Variants in NLGN1 observed in about 807,000 individuals in gnomAD.
The protein encoded by NLGN1 is neuroligin 1.
NLGN1 carries 12 observed loss-of-function variants against 65.5 expected under a neutral mutation model. The ratio of observed to expected loss-of-function variants is 0.18; its 90% CI spans 0.12 to 0.30. The LOEUF (loss-of-function observed/expected upper bound fraction) is 0.30. NLGN1 is among the 10% of genes least tolerant of loss of function. The pLI, the probability that NLGN1 is intolerant of heterozygous loss-of-function variation, is 1.00. For missense variants in NLGN1, 750 were observed against 1,007.1 expected (o/e 0.74, Z 3.46); for synonymous variants, 350 against 359.5 (o/e 0.97, Z 0.30).
At chr3:173,822,303 A>G (rs1560439114) in intron 4 of NLGN1, among the ~76,000 whole-genome samples, 1 of 152,140 alleles carries the variant, frequency 6.6e-6, no homozygotes, top group East Asian at 1.9e-4. Flanking sequence ...GTCAGCATCC[A>G]AGTGGAACTG....
intron 4 of NLGN1, among the ~76,000 whole-genome samples, chr3:173,821,578 A>G (rs1720303919): frequency 6.6e-6 from 1 of 152,154 alleles, no homozygotes; most frequent in African/African-American, 2.4e-5. Context: ...GTAACAAGAA[A>G]TTGGGATTTT....
chr3:173,452,034 C>T (rs567373094), intron 2 of NLGN1, among the ~76,000 whole-genome samples: 154 of 152,306 alleles, frequency 1.0e-3, no homozygotes, highest in African/African-American at 3.6e-3. Context: ...CGCCCTGCTT[C>T]GGCTCACGCA....
chr3:173,598,520 A>G lies in NLGN1; in HGVS notation c.-320-5759A>G, dbSNP rs189101814. On this transcript the variant is annotated intron_variant, in intron 2 of 6. Coordinates refer to ENST00000457714, the Ensembl canonical transcript of NLGN1. ...TAATTTTCTTGTGAATGAATTTGAT[A>G]ATACTTTCCTTCTGCTAGGAACGTG... Among the ~76,000 whole-genome samples, 9 of 152,272 alleles carry G rather than the reference A, an allele frequency of 5.9e-5. 1 individual carries two copies. In the East Asian group the frequency reaches 1.7e-3, roughly 29 times the overall value.
rs969539286 is a variant in NLGN1, at chr3:173,815,021, CTTTCCCTTTCT to C, written c.646+7203_646+7213del. On this transcript the variant is annotated intron_variant, in intron 4 of 6. Coordinates refer to ENST00000457714, the Ensembl canonical transcript of NLGN1. Reference sequence around the variant, plus strand: ...TTTCTCTTCTCTTTTCTTTTCTTTCCTTTCCCTTTCTTTTCCCTTTCTTTCTTTTTCTTTCT... The same window carrying C: ...TTTCTCTTCTCTTTTCTTTTCTTTCCTTTCCCTTTCTTTCTTTTTCTTTCT... Among the ~76,000 whole-genome samples the C allele has an allele frequency of 1.3e-4, 20 of 150,412 alleles. 1 individual carries two copies. In the Middle Eastern group the frequency reaches 0.01, roughly 77 times the overall value.
At chr3:173,702,099 C>T (rs887367966) in intron 3 of NLGN1, among the ~76,000 whole-genome samples, 1 of 150,388 alleles carries the variant, frequency 6.6e-6, no homozygotes, top group Non-Finnish European at 1.5e-5. Context: ...ATTAGCTGGG[C>T]GTAGTGGCGG....
intron 4 of NLGN1, among the ~76,000 whole-genome samples, chr3:174,233,609 T>C (rs1741143429): frequency 6.6e-6 from 1 of 152,110 alleles, no homozygotes; most frequent in African/African-American, 2.4e-5. Flanking sequence ...AAGGTTGACA[T>C]ATTCTTACAC....
intron 4 of NLGN1, among the ~76,000 whole-genome samples, chr3:173,960,616 A>C (rs528570512): frequency 8.5e-5 from 13 of 152,158 alleles, no homozygotes; most frequent in African/African-American, 2.6e-4. Context: ...AAAATTTTGC[A>C]TAAAATTTTA....
intron 4 of NLGN1, among the ~76,000 whole-genome samples, chr3:173,916,626 A>T (rs753845664): frequency 6.6e-6 from 1 of 152,168 alleles, no homozygotes; most frequent in Non-Finnish European, 1.5e-5. Flanking sequence ...TTTATTTATT[A>T]TAATACCTAA....
intron 1 of NLGN1, among the ~76,000 whole-genome samples, chr3:173,428,372 C>A (rs1216133496): frequency 6.6e-6 from 1 of 151,210 alleles, no homozygotes; most frequent in Non-Finnish European, 1.5e-5. Context: ...TTTCTACTGT[C>A]TTTTTTTGGC....
At chr3:173,646,250 A>G (rs938021106) in intron 3 of NLGN1, among the ~76,000 whole-genome samples, 2 of 152,236 alleles carry the variant, frequency 1.3e-5, no homozygotes, top group Admixed American at 1.3e-4. Flanking sequence ...ATATATTTTA[A>G]TAGCTACAGT....
intron 2 of NLGN1, among the ~76,000 whole-genome samples, chr3:173,531,564 T>TACACACACACACACACACACACAC (rs147720926): frequency 2.2e-4 from 33 of 148,258 alleles, no homozygotes; most frequent in African/African-American, 4.7e-4. Flanking sequence ...CTGTGTGAAA[T>TACACACACACACACACACACACAC]ACACACACAC....
chr3:173,668,105 G>A (rs1299368471), intron 3 of NLGN1, among the ~76,000 whole-genome samples: 1 of 152,144 alleles, frequency 6.6e-6, no homozygotes, highest in Non-Finnish European at 1.5e-5. Context: ...GGAAGAAACG[G>A]ACCTGTGAAT....
At chr3:173,766,327 G>C (rs1778790176) in intron 3 of NLGN1, among the ~76,000 whole-genome samples, 1 of 152,074 alleles carries the variant, frequency 6.6e-6, no homozygotes, top group South Asian at 2.1e-4. Context: ...GGCCTCAAGT[G>C]ATCTGCCCAC....
chr3:173,741,779 C>A (rs1774689265), intron 3 of NLGN1, among the ~76,000 whole-genome samples: 2 of 152,120 alleles, frequency 1.3e-5, no homozygotes, highest in South Asian at 4.1e-4. Context: ...AGGCGTGAGC[C>A]ACTGTGCTCA....
At chr3:173,849,164 G>T (rs116067350) in intron 4 of NLGN1, among the ~76,000 whole-genome samples, 1 of 152,062 alleles carries the variant, frequency 6.6e-6, no homozygotes, top group East Asian at 1.9e-4. Flanking sequence ...ATTCTTTTGC[G>T]TAGGGGGTAG....
At chr3:173,438,024 T>G (rs1169119612) in intron 2 of NLGN1, among the ~76,000 whole-genome samples, 2 of 151,888 alleles carry the variant, frequency 1.3e-5, no homozygotes, top group Non-Finnish European at 2.9e-5. Flanking sequence ...TACTTTGGAT[T>G]TTTTTTTAAC....
At chr3:174,018,276 T>C (rs1409397443) in intron 4 of NLGN1, among the ~76,000 whole-genome samples, 1 of 152,130 alleles carries the variant, frequency 6.6e-6, no homozygotes, top group Non-Finnish European at 1.5e-5. Context: ...TTAAACAATT[T>C]GTGCAGTTAA....
intron 3 of NLGN1, among the ~76,000 whole-genome samples, chr3:173,730,484 A>G (rs1422957147): frequency 5.9e-5 from 9 of 152,138 alleles, no homozygotes; most frequent in African/African-American, 2.2e-4. Context: ...GATCATTGTG[A>G]AAATGAGATT....
In NLGN1 at chr3:174,279,316, A is replaced by C. The variant is rs1751167345; in HGVS notation, c.1315A>C (p.Met439Leu). Reference sequence around the variant, plus strand: ...TGTTTTGAGAGAAACCATTAAGTTCATGTATACTGACTGGGCTGACCGTCA... The same window carrying C: ...TGTTTTGAGAGAAACCATTAAGTTCCTGTATACTGACTGGGCTGACCGTCA... The change falls in exon 6 of 7, where the codon ATG becomes CTG. Residue 439 changes from methionine (M) to leucine (L), a missense_variant. Physicochemically the swap from Met to Leu is conservative, Grantham distance 15. Transcript: ENST00000457714. The surrounding 1 kb of genome is among the most constrained non-coding windows in gnomAD (Gnocchi z 4.7). 3 of 1,613,464 alleles carry C rather than the reference A, an allele frequency of 1.9e-6. No individual in the cohort carries two copies. Among genetic ancestry groups the C allele is most frequent in the Non-Finnish European group, 1.7e-6 (2 of 1,179,580 alleles).
Sources: gnomAD v4.1 joint callset for allele counts (sites outside exome capture counted in the v4.1 genomes callset) on GRCh38, gnomAD v4.1.1 for gene constraint, Gnocchi (gnomAD v3.1) non-coding constraint, MANE v1.5 for transcripts, NCBI Gene and HGNC (gene_info 2026-07-23, HGNC 2026-07-21) for gene names.